The following ZMYND8 variants were observed in gnomAD, a reference collection of about 807,000 sequenced individuals.
The protein encoded by ZMYND8 is MYND-type zinc finger-containing chromatin reader ZMYND8.
In ZMYND8, 37 loss-of-function variants were observed where a neutral mutation model predicts 140.8. That is an observed-to-expected ratio of 0.26 (90% CI 0.20 to 0.35). The LOEUF is 0.35. ZMYND8 is among the 10% of genes least tolerant of loss of function. ZMYND8 has a pLI of 1.00. For synonymous variants in ZMYND8, 592 were observed against 597.1 expected, an observed-to-expected ratio of 0.99 and a Z score of 0.12; for missense variants, 1,068 against 1,570.0, an observed-to-expected ratio of 0.68 and a Z score of 5.40.
chr20:47,318,367 A>G (rs1197887227), intron 2 of ZMYND8: 1 of 298,406 alleles, frequency 3.4e-6, no homozygotes, highest in East Asian at 9.2e-5. Context: ...AGCATGGTTA[A>G]TCACTTCAAA....
At chr20:47,355,846 C>CA (rs1389567341) in intron 1 of ZMYND8, among the ~76,000 whole-genome samples, 38 of 150,412 alleles carry the variant, frequency 2.5e-4, no homozygotes, top group African/African-American at 9.1e-4. Flanking sequence ...CCCCACCCCC[C>CA]AGTCCCCATC....
At chr20:47,299,926 T>C (rs1300546730) in intron 3 of ZMYND8, among the ~76,000 whole-genome samples, 2 of 152,210 alleles carry the variant, frequency 1.3e-5, no homozygotes, top group Non-Finnish European at 2.9e-5. Context: ...AAAGCATTTA[T>C]GAGCCAACAA....
At chr20:47,230,814 TC>T (rs2038375175) in intron 16 of ZMYND8, among the ~76,000 whole-genome samples, 1 of 151,820 alleles carries the variant, frequency 6.6e-6, no homozygotes, top group Non-Finnish European at 1.5e-5. Flanking sequence ...AAAATCCCAC[TC>T]CCCCGGCCTT....
At chr20:47,271,637 A>G (rs372070080) in intron 11 of ZMYND8, among the ~76,000 whole-genome samples, 25 of 152,274 alleles carry the variant, frequency 1.6e-4, no homozygotes, top group African/African-American at 5.8e-4. Context: ...TGGAAACACA[A>G]TCTAAGGACT....
chr20:47,349,838 G>GGGA, intron 1 of ZMYND8: 1 of 1,519,404 alleles, frequency 6.6e-7, no homozygotes. Flanking sequence ...CAATTATGCA[G>GGGA]AACTGAGCCA....
At chr20:47,214,577 T>C (rs936042745) in intron 21 of ZMYND8, among the ~76,000 whole-genome samples, 1 of 152,154 alleles carries the variant, frequency 6.6e-6, no homozygotes, top group South Asian at 2.1e-4. Context: ...CACTGTAACC[T>C]CCGCCTCCTG....
intron 21 of ZMYND8, among the ~76,000 whole-genome samples, chr20:47,218,536 A>G (rs1404551967): frequency 6.6e-6 from 1 of 152,204 alleles, no homozygotes; most frequent in Non-Finnish European, 1.5e-5. Context: ...ATCAAGGGCA[A>G]CTCCAAAAAT....
In ZMYND8 at chr20:47,349,998, G is replaced by T. The variant is rs541438257; in HGVS notation, c.15-2072C>A. ...TCAGGCAGGAATGCTGCTGAGAGAC[G>T]AGGAAAATGCAAACTAGTTATGTGG... On this transcript the variant is annotated intron_variant, in intron 1 of 22. Coordinates refer to ENST00000471951, the MANE Select transcript of ZMYND8 (RefSeq NM_001281775.3). The T allele has an allele frequency of 8.0e-5, 120 of 1,499,614 alleles. No homozygotes were observed. The African/African-American group carries it at 1.5e-3, about 19-fold the overall frequency. The allele number at this position is 1,499,614 out of a possible 1,614,324, so 92.9% of individuals were successfully genotyped here. A position where few individuals can be genotyped will look rare whatever the true frequency, so the allele number is the denominator to read the frequency against.
At chr20:47,331,115 G>A (rs942910911) in intron 2 of ZMYND8, among the ~76,000 whole-genome samples, 7 of 152,206 alleles carry the variant, frequency 4.6e-5, no homozygotes, top group Non-Finnish European at 1.0e-4. Context: ...AACACAGAGA[G>A]AACAGAGACT....
At chr20:47,284,925 A>G (rs1012012889) in intron 8 of ZMYND8, among the ~76,000 whole-genome samples, 6 of 152,184 alleles carry the variant, frequency 3.9e-5, no homozygotes, top group Admixed American at 3.9e-4. Flanking sequence ...AGCACCCACC[A>G]CAAAGGGCTG....
At chr20:47,356,454 T>C (rs759219855) in intron 1 of ZMYND8, 10 of 1,551,876 alleles carry the variant, frequency 6.4e-6, no homozygotes, top group Non-Finnish European at 6.9e-6. Flanking sequence ...CCTTGCCAGT[T>C]TGCAAAATCA....
chr20:47,354,709 A>G (rs1267963800), intron 1 of ZMYND8: 2 of 152,204 alleles, frequency 1.3e-5, no homozygotes, highest in Admixed American at 6.5e-5. Context: ...GCAATTGAAT[A>G]TATTTCCTGC....
At chr20:47,297,972 C>T (rs2077751256) in intron 4 of ZMYND8, among the ~76,000 whole-genome samples, 1 of 152,142 alleles carries the variant, frequency 6.6e-6, no homozygotes, top group Non-Finnish European at 1.5e-5. Flanking sequence ...TGGAAGTTGT[C>T]CCCCAAATGG....
Position 47,249,384 on chromosome 20 carries a change from C to T in ZMYND8, c.1677G>A (p.Gln559=). The change falls in exon 13 of 23, where the codon CAG becomes CAA. Residue 559 remains glutamine (Q), a synonymous_variant. Transcript: ENST00000471951. ...GAGAGATGAGAGGAACAGGGGTGGA[C>T]TGTTGCTGGACCGACTCGCTCAGCT... is the stretch of plus-strand genomic sequence containing the variant. ...LKELSESVQQ[Q]STPVPLISPK... 6.2e-7 allele frequency: 1 copy of T among 1,614,180 alleles called. No homozygotes were observed. The highest frequency in any genetic ancestry group is 8.5e-7 in the Non-Finnish European group (1 of 1,180,038).
At chr20:47,231,493 C>A (rs550212323) in intron 16 of ZMYND8, among the ~76,000 whole-genome samples, 1 of 152,166 alleles carries the variant, frequency 6.6e-6, no homozygotes, top group African/African-American at 2.4e-5. Flanking sequence ...TCGTTACCTG[C>A]CACGGAGTAG....
At chr20:47,334,926 A>T (rs1569224485) in intron 2 of ZMYND8, among the ~76,000 whole-genome samples, 2 of 151,880 alleles carry the variant, frequency 1.3e-5, no homozygotes, top group Admixed American at 6.6e-5. Flanking sequence ...AAAATATATT[A>T]AAAACCATCA....
intron 1 of ZMYND8, chr20:47,349,726 A>T (rs1395451978): frequency 3.2e-6 from 4 of 1,252,302 alleles, no homozygotes; most frequent in Non-Finnish European, 4.4e-6. Flanking sequence ...CTCTAGCATG[A>T]AGTATGTGAA....
chr20:47,220,572 T>A (rs2036803870), intron 20 of ZMYND8, among the ~76,000 whole-genome samples: 1 of 152,008 alleles, frequency 6.6e-6, no homozygotes, highest in Non-Finnish European at 1.5e-5. Flanking sequence ...CCTAGAACAT[T>A]CACTGTTTCC....
chr20:47,306,025 G>T (rs1247714081), intron 3 of ZMYND8, among the ~76,000 whole-genome samples: 1 of 152,082 alleles, frequency 6.6e-6, no homozygotes, highest in Non-Finnish European at 1.5e-5. Context: ...TGGACCAAAG[G>T]TCTTTTAAAA....
Sources: gnomAD v4.1 joint callset for allele counts (sites outside exome capture counted in the v4.1 genomes callset) on GRCh38, gnomAD v4.1.1 for gene constraint, MANE v1.5 for transcripts, NCBI Gene and HGNC (gene_info 2026-07-23, HGNC 2026-07-21) for gene names.